Variants in CPNE4 observed in about 807,000 individuals in gnomAD.
CPNE4 encodes the protein copine 4.
A neutral mutation model predicts 67.9 loss-of-function variants in CPNE4; 25 were observed. The observed-to-expected ratio is 0.37, with a 90% confidence interval of 0.27 to 0.51. The LOEUF (loss-of-function observed/expected upper bound fraction) is 0.51. Among genes scored for constraint, CPNE4 ranks in the 20% least tolerant of loss-of-function variants. The probability of loss-of-function intolerance (pLI) is 0.93; values close to 1 mark genes in which losing one functional copy is unlikely to be tolerated. For missense variants in CPNE4, 464 were observed against 690.8 expected (o/e 0.67, Z 3.68); for synonymous variants, 242 against 244.9 (o/e 0.99, Z 0.11).
intron 2 of CPNE4, among the ~76,000 whole-genome samples, chr3:131,778,807 C>A (rs2083358200): frequency 6.6e-6 from 1 of 152,044 alleles, no homozygotes; most frequent in Non-Finnish European, 1.5e-5. Context: ...GCTGCCACTC[C>A]TATTCAACAT....
At chr3:131,978,541 AAT>A (rs34062654) in intron 1 of CPNE4, among the ~76,000 whole-genome samples, 4,570 of 71,000 alleles carry the variant, frequency 0.064, 727 homozygotes, top group African/African-American at 0.29. Flanking sequence ...AATATATATA[AAT>A]ATATATATAT....
At chr3:132,000,493 A>G (rs571107128) in intron 1 of CPNE4, among the ~76,000 whole-genome samples, 1 of 151,060 alleles carries the variant, frequency 6.6e-6, no homozygotes, top group South Asian at 2.1e-4. Flanking sequence ...AATAAATAAT[A>G]AAATAAATAA....
At chr3:131,887,052 A>T (rs995957810) in intron 2 of CPNE4, among the ~76,000 whole-genome samples, 2 of 152,158 alleles carry the variant, frequency 1.3e-5, no homozygotes, top group East Asian at 1.9e-4. Flanking sequence ...CAGGGGTGGA[A>T]TGATATTGTT....
At chr3:131,900,037 C>T (rs965525798) in intron 2 of CPNE4, among the ~76,000 whole-genome samples, 4 of 151,964 alleles carry the variant, frequency 2.6e-5, no homozygotes, top group Admixed American at 2.6e-4. Context: ...GGTGACCAAA[C>T]CCTACATCTG....
rs536207513 is a variant in CPNE4 at position 131,980,907 on chromosome 3, C to G, written c.-2+53660G>C. 2.3e-4 allele frequency among the ~76,000 whole-genome samples: 35 copies of G among 152,246 alleles called. No homozygotes were observed. The Middle Eastern group carries it at 0.01, about 44-fold the overall frequency. On this transcript the variant is annotated intron_variant, in intron 1 of 15. Coordinates refer to ENST00000429747, the MANE Select transcript of CPNE4 (RefSeq NM_130808.3). The stretch of plus-strand genomic sequence containing the variant: ...TGTTCCCTTGTTGTAGTACTCTCCC[C>G]CTTTTCCTATGGATGCGGCTTCCTG...
At chr3:131,826,400 A>G (rs1485139479) in intron 2 of CPNE4, among the ~76,000 whole-genome samples, 1 of 151,918 alleles carries the variant, frequency 6.6e-6, no homozygotes, top group African/African-American at 2.4e-5. Flanking sequence ...GTCTCACTAT[A>G]TTGCCCAGGC....
At chr3:131,795,827 C>T (rs7650804) in intron 2 of CPNE4, among the ~76,000 whole-genome samples, 145,285 of 152,294 alleles carry the variant, frequency 0.95, 69,322 homozygotes, top group East Asian at 1. Flanking sequence ...TCTTATAGCT[C>T]ACTAAATATG....
At chr3:131,685,749 C>T (rs2080874739) in intron 6 of CPNE4, 126 bp downstream of exon 6, 1 of 637,188 alleles carries the variant, frequency 1.6e-6, no homozygotes, top group African/African-American at 1.9e-5. Context: ...CCACTGCACT[C>T]CAGCCTGGGT....
intron 2 of CPNE4, among the ~76,000 whole-genome samples, chr3:131,739,442 G>T (rs1205033384): frequency 6.6e-6 from 1 of 152,078 alleles, no homozygotes; most frequent in African/African-American, 2.4e-5. Context: ...TTCCCCCTGT[G>T]GCTGTGCTTC....
upstream of CPNE4, among the ~76,000 whole-genome samples, chr3:132,035,945 C>T (rs2074331658): frequency 2.6e-5 from 4 of 152,138 alleles, no homozygotes; most frequent in African/African-American, 9.7e-5. Context: ...CCTCTCCAAC[C>T]TGAAGGTTGG....
At position 131,555,566 on chromosome 3, in the gene CPNE4, A is replaced by C; in HGVS notation, c.1062-15T>G. Reference sequence around the variant, plus strand: ...ACATTTTGTCACTGAAACCAAAATGAAGAAAAGAAAAAACAAGAAGTTGCT... The same window carrying C: ...ACATTTTGTCACTGAAACCAAAATGCAGAAAAGAAAAAACAAGAAGTTGCT... On this transcript the variant is annotated splice_polypyrimidine_tract_variant and intron_variant, in intron 11 of 15. Transcript: ENST00000429747. 6.2e-7 allele frequency: 1 copy of C among 1,610,504 alleles called. No individual in the cohort carries two copies. The highest frequency in any genetic ancestry group is 8.5e-7 in the Non-Finnish European group (1 of 1,177,772).
intron 7 of CPNE4, among the ~76,000 whole-genome samples, chr3:131,621,642 C>G (rs1940471197): frequency 6.6e-6 from 1 of 152,076 alleles, no homozygotes; most frequent in Admixed American, 6.6e-5. Flanking sequence ...AGAATCTTCC[C>G]CATGAAACTT....
At chr3:131,851,201 AAGTG>A (rs576694782) in intron 2 of CPNE4, among the ~76,000 whole-genome samples, 38 of 152,250 alleles carry the variant, frequency 2.5e-4, no homozygotes, top group African/African-American at 8.7e-4. Context: ...CTAGGAAAGA[AAGTG>A]AGTGATTTAT....
intron 7 of CPNE4, among the ~76,000 whole-genome samples, chr3:131,622,448 T>C (rs1030195415): frequency 1.3e-5 from 2 of 152,216 alleles, no homozygotes; most frequent in Admixed American, 1.3e-4. Context: ...TATCCTAAAG[T>C]GTCGCTCATT....
chr3:131,672,399 C>A (rs899892429), intron 6 of CPNE4, among the ~76,000 whole-genome samples: 46 of 152,046 alleles, frequency 3.0e-4, no homozygotes, highest in Non-Finnish European at 8.8e-5. Context: ...TTTTGAGGAA[C>A]CTCCAAACTA....
At chr3:131,979,067 T>G (rs1211628788) in intron 1 of CPNE4, among the ~76,000 whole-genome samples, 1 of 152,140 alleles carries the variant, frequency 6.6e-6, no homozygotes, top group East Asian at 1.9e-4. Flanking sequence ...CTTGATATAA[T>G]TTCAATTTTT....
At chr3:131,995,147 TAG>T (rs1173112917) in intron 1 of CPNE4, among the ~76,000 whole-genome samples, 1 of 152,082 alleles carries the variant, frequency 6.6e-6, no homozygotes, top group Non-Finnish European at 1.5e-5. Flanking sequence ...TGCCCAGCTG[TAG>T]AGTTTTAATT....
chr3:132,032,769 GA>G (rs1300982291), intron 1 of CPNE4, among the ~76,000 whole-genome samples: 3 of 152,124 alleles, frequency 2.0e-5, no homozygotes, highest in Non-Finnish European at 2.9e-5. Context: ...CTCGGTAAGG[GA>G]AATGAAAATA....
At chr3:131,710,709 C>T (rs898397127) in intron 3 of CPNE4, among the ~76,000 whole-genome samples, 6 of 152,180 alleles carry the variant, frequency 3.9e-5, no homozygotes, top group Non-Finnish European at 5.9e-5. Context: ...TGAGATATAA[C>T]AAGACCCCCT....
Sources: gnomAD v4.1 joint callset for allele counts (sites outside exome capture counted in the v4.1 genomes callset) on GRCh38, gnomAD v4.1.1 for gene constraint, MANE v1.5 for transcripts, NCBI Gene and HGNC (gene_info 2026-07-23, HGNC 2026-07-21) for gene names.